Variants in ROBO1 observed in about 807,000 individuals in gnomAD.
ROBO1 encodes the protein roundabout guidance receptor 1.
ROBO1 carries 149 observed loss-of-function variants against 195.9 expected under a neutral mutation model. That is an observed-to-expected ratio of 0.76 (90% confidence interval 0.67 to 0.87). ROBO1 has a LOEUF of 0.87. Ranked by LOEUF, ROBO1 falls within the 40% of genes least tolerant of loss-of-function variation. The pLI, the probability that ROBO1 is intolerant of heterozygous loss-of-function variation, is 0.00. For synonymous variants in ROBO1, 816 were observed against 733.2 expected (o/e 1.11, Z -1.82); for missense variants, 1,933 against 2,068.3 (o/e 0.93, Z 1.27).
At chr3:79,583,719 T>C (rs748698665) in intron 2 of ROBO1, among the ~76,000 whole-genome samples, 2 of 151,908 alleles carry the variant, frequency 1.3e-5, no homozygotes, top group Non-Finnish European at 2.9e-5. Flanking sequence ...CACATTAGCA[T>C]AGGAAATACA....
At chr3:78,646,260 T>C (rs955535358) in intron 20 of ROBO1, 70 bp from the exon 21 acceptor site, 1 of 1,385,364 alleles carries the variant, frequency 7.2e-7, no homozygotes, top group African/African-American at 1.4e-5. Flanking sequence ...ATTACATTCA[T>C]GAGCTTCTTT....
intron 2 of ROBO1, among the ~76,000 whole-genome samples, chr3:79,169,332 C>T (rs1173685604): frequency 7.9e-5 from 12 of 152,092 alleles, no homozygotes; most frequent in African/African-American, 2.7e-4. Flanking sequence ...GATTTCTTGT[C>T]GTTTTTTTCT....
chr3:78,703,514 A>G (rs2081470287), intron 8 of ROBO1, among the ~76,000 whole-genome samples: 1 of 152,068 alleles, frequency 6.6e-6, no homozygotes. Context: ...TACCATAACA[A>G]ATCTCTTTCC....
At chr3:79,152,698 G>A (rs1272007279) in intron 2 of ROBO1, among the ~76,000 whole-genome samples, 1 of 151,680 alleles carries the variant, frequency 6.6e-6, no homozygotes, top group East Asian at 1.9e-4. Flanking sequence ...AATCTGACAA[G>A]AAACCGAAAT....
At chr3:78,743,892 A>G (rs2082593090) in intron 5 of ROBO1, among the ~76,000 whole-genome samples, 1 of 152,182 alleles carries the variant, frequency 6.6e-6, no homozygotes, top group South Asian at 2.1e-4. Context: ...GGTCTGCCGG[A>G]CAGCAAAAAA....
At chr3:78,756,163 A>C (rs750289261) in intron 4 of ROBO1, among the ~76,000 whole-genome samples, 23 of 152,194 alleles carry the variant, frequency 1.5e-4, no homozygotes, top group Middle Eastern at 3.2e-3. Context: ...AGTCATTGAT[A>C]TACTGTGATG....
intron 2 of ROBO1, among the ~76,000 whole-genome samples, chr3:79,369,579 C>A (rs976068124): frequency 1.1e-4 from 17 of 152,134 alleles, no homozygotes; most frequent in African/African-American, 4.1e-4. Flanking sequence ...AGAGAGCAAA[C>A]TTCTCAGAGA....
chr3:79,603,385 A>C (rs1944394336), intron 1 of ROBO1, among the ~76,000 whole-genome samples: 3 of 151,810 alleles, frequency 2.0e-5, no homozygotes, highest in Non-Finnish European at 2.9e-5. Flanking sequence ...TTGACACAAC[A>C]ATACCCCCCA....
chr3:78,853,206 G>A (rs1181151245), intron 4 of ROBO1, among the ~76,000 whole-genome samples: 2 of 151,660 alleles, frequency 1.3e-5, no homozygotes, highest in African/African-American at 2.4e-5. Flanking sequence ...GAAGGAGGAT[G>A]GAAGAAAAGG....
At chr3:79,723,640 T>C (rs1281797029) in intron 1 of ROBO1, among the ~76,000 whole-genome samples, 1 of 152,166 alleles carries the variant, frequency 6.6e-6, no homozygotes, top group Non-Finnish European at 1.5e-5. Context: ...ATTCATTGTT[T>C]TAGATATTTT....
At chr3:79,403,962 A>T (rs936750097) in intron 2 of ROBO1, among the ~76,000 whole-genome samples, 6 of 152,084 alleles carry the variant, frequency 3.9e-5, no homozygotes, top group Non-Finnish European at 8.8e-5. Context: ...TCAGAGGCTC[A>T]TAATATCTAT....
chr3:78,611,922 C>T (rs143651772), intron 28 of ROBO1, among the ~76,000 whole-genome samples: 62 of 152,278 alleles, frequency 4.1e-4, no homozygotes, highest in Admixed American at 1.4e-3. Flanking sequence ...CTCCTACTGA[C>T]ACCTTGATCT....
intron 29 of ROBO1, among the ~76,000 whole-genome samples, chr3:78,605,256 T>C (rs1163039210): frequency 6.6e-6 from 1 of 152,242 alleles, no homozygotes; most frequent in Non-Finnish European, 1.5e-5. Context: ...ATCTTGATTA[T>C]TAAATCTCTG....
At chr3:79,127,066 C>T (rs569548331) in intron 2 of ROBO1, among the ~76,000 whole-genome samples, 1 of 151,608 alleles carries the variant, frequency 6.6e-6, no homozygotes, top group African/African-American at 2.4e-5. Flanking sequence ...CTCATTCTTG[C>T]TTTATTCATC....
intron 2 of ROBO1, among the ~76,000 whole-genome samples, chr3:79,588,749 C>T (rs948424880): frequency 6.6e-6 from 1 of 151,616 alleles, no homozygotes; most frequent in Non-Finnish European, 1.5e-5. Context: ...GTGGGCTAAC[C>T]TAATTTGATA....
chr3:78,755,681 C>A (rs1217350642), intron 4 of ROBO1, among the ~76,000 whole-genome samples: 1 of 152,126 alleles, frequency 6.6e-6, no homozygotes, highest in Admixed American at 6.5e-5. Flanking sequence ...AATAATAACA[C>A]CCAGGTTTCT....
At chr3:78,645,853 T>C (rs573588949) in intron 21 of ROBO1, among the ~76,000 whole-genome samples, 2 of 152,208 alleles carry the variant, frequency 1.3e-5, no homozygotes, top group African/African-American at 4.8e-5. Flanking sequence ...TCTTCATAAA[T>C]GCCACCGCTT....
chr3:79,420,579 T>C (rs1047740246), intron 2 of ROBO1, among the ~76,000 whole-genome samples: 5 of 152,142 alleles, frequency 3.3e-5, no homozygotes, highest in Non-Finnish European at 1.5e-5. Context: ...GTGTGTGACT[T>C]TGGCGATTCT....
chr3:79,031,290 C>G (rs1316174360), intron 3 of ROBO1, among the ~76,000 whole-genome samples: 1 of 152,060 alleles, frequency 6.6e-6, no homozygotes. Flanking sequence ...GTTTCAGTGT[C>G]TTGTTAGTCA....
Sources: allele counts gnomAD v4.1 joint callset (sites outside exome capture counted in the v4.1 genomes callset), GRCh38; gene constraint gnomAD v4.1.1; transcripts MANE v1.5; gene names NCBI Gene and HGNC (gene_info 2026-07-23, HGNC 2026-07-21).